EEPD1: variants seen among roughly 807,000 people sequenced by gnomAD.
EEPD1 encodes endonuclease/exonuclease/phosphatase family domain containing 1.
In EEPD1, 17 loss-of-function variants were observed where a neutral mutation model predicts 46.3. The observed-to-expected ratio is 0.37, with a 90% CI of 0.25 to 0.55. The LOEUF (loss-of-function observed/expected upper bound fraction) is 0.55, where lower values mean the gene tolerates loss of function less well. EEPD1 is among the 20% of genes least tolerant of loss of function. The pLI is 0.83. For synonymous variants in EEPD1, 313 were observed against 315.6 expected, an observed-to-expected ratio of 0.99 and a Z score of 0.09; for missense variants, 673 against 745.6, an observed-to-expected ratio of 0.90 and a Z score of 1.13.
chr7:36,237,726 G>A (rs148478220), intron 2 of EEPD1, among the ~76,000 whole-genome samples: 1 of 152,170 alleles, frequency 6.6e-6, no homozygotes, highest in African/African-American at 2.4e-5. Flanking sequence ...CAAGGTGGGT[G>A]GATCACTTGA....
chr7:36,267,285 C>G (rs1364311330), intron 3 of EEPD1, among the ~76,000 whole-genome samples: 1 of 152,192 alleles, frequency 6.6e-6, no homozygotes. Flanking sequence ...TAGGATTGCT[C>G]AAGGGATAAG....
At chr7:36,237,298 C>T (rs1378179631) in intron 2 of EEPD1, among the ~76,000 whole-genome samples, 3 of 152,214 alleles carry the variant, frequency 2.0e-5, no homozygotes, top group Admixed American at 6.5e-5. Flanking sequence ...TTCTTGAAGT[C>T]AGCAAGACCA....
At chr7:36,228,365 T>A (rs1477551753) in intron 2 of EEPD1, among the ~76,000 whole-genome samples, 1 of 151,924 alleles carries the variant, frequency 6.6e-6, no homozygotes, top group Admixed American at 6.6e-5. Context: ...CCATCTTTAC[T>A]AAAAATACAA....
intron 2 of EEPD1, among the ~76,000 whole-genome samples, chr7:36,200,810 G>A (rs150843949): frequency 6.9e-4 from 105 of 152,264 alleles, no homozygotes; most frequent in African/African-American, 2.4e-3. Context: ...ATTGCTCCAC[G>A]AGCCCAGCAG....
chr7:36,254,772 A>C (rs1056761923), intron 3 of EEPD1, among the ~76,000 whole-genome samples: 1 of 152,146 alleles, frequency 6.6e-6, no homozygotes, highest in Non-Finnish European at 1.5e-5. Context: ...AAGCATTGCT[A>C]TTTCTCCACA....
intron 3 of EEPD1, among the ~76,000 whole-genome samples, chr7:36,244,672 T>C (rs1212206555): frequency 6.6e-6 from 1 of 152,110 alleles, no homozygotes; most frequent in Non-Finnish European, 1.5e-5. Context: ...GCAGAGGATC[T>C]TCCCTGAAGG....
At chr7:36,292,713 G>A (rs577554718) in intron 6 of EEPD1, among the ~76,000 whole-genome samples, 8 of 152,036 alleles carry the variant, frequency 5.3e-5, no homozygotes, top group African/African-American at 1.7e-4. Flanking sequence ...TCACTATGTC[G>A]GCCAGGCTGG....
At chr7:36,186,311 C>T (rs1198521068) in intron 2 of EEPD1, among the ~76,000 whole-genome samples, 1 of 152,152 alleles carries the variant, frequency 6.6e-6, no homozygotes, top group Non-Finnish European at 1.5e-5. Context: ...CCAGGGTTTA[C>T]AATAAACGAT....
At chr7:36,206,487 G>T (rs1403772783) in intron 2 of EEPD1, among the ~76,000 whole-genome samples, 1 of 151,994 alleles carries the variant, frequency 6.6e-6, no homozygotes, top group Admixed American at 6.5e-5. Flanking sequence ...GGTGCCCAGT[G>T]GCCACATGTG....
At chr7:36,160,530 G>A (rs1435387374) in intron 2 of EEPD1, among the ~76,000 whole-genome samples, 1 of 152,094 alleles carries the variant, frequency 6.6e-6, no homozygotes, top group Admixed American at 6.5e-5. Context: ...CTAGAGTGGC[G>A]GGTGGGTGGG....
chr7:36,163,771 G>A (rs957777793), intron 2 of EEPD1, among the ~76,000 whole-genome samples: 17 of 151,864 alleles, frequency 1.1e-4, no homozygotes, highest in Admixed American at 2.6e-4. Context: ...CCAGCTACTC[G>A]GAAGGCTGAG....
intron 3 of EEPD1, among the ~76,000 whole-genome samples, chr7:36,260,816 C>T (rs1393914658): frequency 6.6e-6 from 1 of 152,180 alleles, no homozygotes; most frequent in African/African-American, 2.4e-5. Flanking sequence ...TTCAACCAAC[C>T]ATGAATTGAA....
In EEPD1 at chr7:36,162,696, A is replaced by G. The variant is rs555674287; in HGVS notation, c.878+7494A>G. Among the ~76,000 whole-genome samples the G allele has an allele frequency of 3.3e-5, 5 of 152,300 alleles. No individual in the cohort carries two copies. The East Asian group carries it at 9.6e-4, about 29-fold the overall frequency. Reference sequence around the variant, plus strand: ...AAAACCTGGATTTTCTTTACTGACTACAATTCCCCAACTAATATTGATTTG... The same window carrying G: ...AAAACCTGGATTTTCTTTACTGACTGCAATTCCCCAACTAATATTGATTTG... On this transcript the variant is annotated intron_variant, in intron 2 of 7. Coordinates refer to ENST00000242108, the MANE Select transcript of EEPD1 (RefSeq NM_030636.3).
At chr7:36,277,535 G>A (rs1482521445) in intron 3 of EEPD1, among the ~76,000 whole-genome samples, 1 of 152,200 alleles carries the variant, frequency 6.6e-6, no homozygotes, top group African/African-American at 2.4e-5. Flanking sequence ...ATTTCTGGCA[G>A]GCTCCCAAGT....
chr7:36,232,150 A>T (rs1786343063), intron 2 of EEPD1, among the ~76,000 whole-genome samples: 1 of 150,558 alleles, frequency 6.6e-6, no homozygotes, highest in African/African-American at 2.4e-5. Context: ...CTCTGCCCCT[A>T]AAGCTATTCC....
At chr7:36,256,751 A>G (rs564700110) in intron 3 of EEPD1, among the ~76,000 whole-genome samples, 20 of 152,058 alleles carry the variant, frequency 1.3e-4, no homozygotes, top group Non-Finnish European at 2.5e-4. Flanking sequence ...AATACAGCAC[A>G]TTGATGGGTC....
chr7:36,297,086 T>G lies in EEPD1; in HGVS notation c.1409T>G (p.Ile470Ser). The G allele has an allele frequency of 6.2e-7, 1 of 1,614,202 alleles. No individual in the cohort carries two copies. Among genetic ancestry groups the G allele is most frequent in the Admixed American group, 1.7e-5 (1 of 60,024 alleles). ...ILRKEKFHHL[I>S]PAHTFTNIST... ...AGGAAAGAAAAGTTCCACCACCTGA[T>G]CCCCGCGCACACCTTCACCAACATC... is the stretch of plus-strand genomic sequence containing the variant. Residue 470 changes from isoleucine (I) to serine (S), a missense_variant, in exon 7 of 8, where the codon ATC (isoleucine) becomes AGC (serine). Coordinates refer to ENST00000242108, the MANE Select transcript of EEPD1 (RefSeq NM_030636.3).
At chr7:36,284,886 A>G (rs939209318) in intron 5 of EEPD1, 66 bp downstream of exon 5, 3 of 1,425,606 alleles carry the variant, frequency 2.1e-6, no homozygotes, top group Non-Finnish European at 2.8e-6. Flanking sequence ...AAAAGGGCTC[A>G]TTTTGTAATA....
At chr7:36,177,589 A>G (rs951470106) in intron 2 of EEPD1, among the ~76,000 whole-genome samples, 1 of 152,184 alleles carries the variant, frequency 6.6e-6, no homozygotes, top group Non-Finnish European at 1.5e-5. Flanking sequence ...GCTGCAAAGG[A>G]CATGATTTCA....
Sources: gnomAD v4.1 joint callset for allele counts (sites outside exome capture counted in the v4.1 genomes callset) on GRCh38, gnomAD v4.1.1 for gene constraint, MANE v1.5 for transcripts, NCBI Gene and HGNC (gene_info 2026-07-23, HGNC 2026-07-21) for gene names.